B3GALNT2: variants seen among roughly 807,000 people sequenced by gnomAD.
The protein encoded by B3GALNT2 is beta-1,3-N-acetylgalactosaminyltransferase 2, also known as UDP-GalNAc:beta-1,3-N-acetylgalactosaminyltransferase 2.
In B3GALNT2, 53 loss-of-function variants were observed where a neutral mutation model predicts 61.1. The ratio of observed to expected loss-of-function variants is 0.87; its 90% CI spans 0.70 to 1.09. B3GALNT2 has a LOEUF of 1.09. B3GALNT2 is among the 50% of genes least tolerant of loss of function. The pLI is 0.00. For synonymous variants in B3GALNT2, 223 were observed against 237.4 expected, an observed-to-expected ratio of 0.94 and a Z score of 0.56; for missense variants, 544 against 623.0, an observed-to-expected ratio of 0.87 and a Z score of 1.35.
At chr1:235,491,297 G>C (rs1024625132) in intron 2 of B3GALNT2, among the ~76,000 whole-genome samples, 13 of 152,182 alleles carry the variant, frequency 8.5e-5, no homozygotes, top group African/African-American at 2.2e-4. Flanking sequence ...ATAGATAGGA[G>C]AGTCTGACAA....
intron 2 of B3GALNT2, among the ~76,000 whole-genome samples, chr1:235,489,675 AG>A (rs749551322): frequency 6.6e-6 from 1 of 152,152 alleles, no homozygotes; most frequent in Non-Finnish European, 1.5e-5. Context: ...TCCATCCAAG[AG>A]GAAATCCCCT....
intron 5 of B3GALNT2, among the ~76,000 whole-genome samples, chr1:235,475,380 A>G (rs745899721): frequency 6.6e-6 from 1 of 152,128 alleles, no homozygotes; most frequent in Non-Finnish European, 1.5e-5. Context: ...TTTATGCTTC[A>G]GTGAGCTACA....
At chr1:235,445,656 A>G (rs1682208228), downstream of B3GALNT2, among the ~76,000 whole-genome samples, 1 of 152,094 alleles carries the variant, frequency 6.6e-6, no homozygotes, top group African/African-American at 2.4e-5. Flanking sequence ...AAAACAAAAC[A>G]AAACTGCAAT....
intron 1 of B3GALNT2, among the ~76,000 whole-genome samples, chr1:235,503,355 C>T (rs971862296): frequency 1.3e-5 from 2 of 152,200 alleles, no homozygotes; most frequent in Non-Finnish European, 2.9e-5. Flanking sequence ...GGTGGTGGAA[C>T]CCACTAACAA....
At chr1:235,496,987 T>C (rs1396619705) in intron 1 of B3GALNT2, among the ~76,000 whole-genome samples, 1 of 152,248 alleles carries the variant, frequency 6.6e-6, no homozygotes, top group Non-Finnish European at 1.5e-5. Context: ...CAGCTTAATA[T>C]AGCTTATCTG....
At chr1:235,501,077 T>C (rs1449534181) in intron 1 of B3GALNT2, among the ~76,000 whole-genome samples, 2 of 152,236 alleles carry the variant, frequency 1.3e-5, no homozygotes, top group East Asian at 1.9e-4. Context: ...TTTTGGTTTC[T>C]TTCTTTCCAG....
At chr1:235,480,537 CAA>C (rs1572531658) in intron 4 of B3GALNT2, among the ~76,000 whole-genome samples, 2 of 151,990 alleles carry the variant, frequency 1.3e-5, no homozygotes, top group African/African-American at 4.8e-5. Flanking sequence ...TTACTGGGAA[CAA>C]AAGCACTCAG....
chr1:235,440,636 C>T, the B3GALNT2 span, among the ~76,000 whole-genome samples: 1,163 of 152,176 alleles, frequency 7.6e-3, 8 homozygotes, highest in Middle Eastern at 0.02. Flanking sequence ...TCAGGTGATT[C>T]GCCCGCCTCA....
Position 235,504,279 on chromosome 1 carries a change from C to G in B3GALNT2, c.-27G>C, listed in dbSNP as rs1685735775. 2.6e-5 allele frequency: 39 copies of G among 1,484,324 alleles called. No individual in the cohort carries two copies. The highest frequency in any genetic ancestry group is 3.2e-5 in the Non-Finnish European group (36 of 1,122,786). The allele number at this position is 1,484,324 out of a possible 1,614,324, so 91.9% of individuals were successfully genotyped here. A position where few individuals can be genotyped will look rare whatever the true frequency, so the allele number is the denominator to read the frequency against. The stretch of plus-strand genomic sequence containing the variant: ...GGCCGCCCCCGCCGCGAGCCGGGCT[C>G]TCCCGCGTCCCGGCGGAGAGGGAGG... On this transcript the variant is annotated 5_prime_UTR_variant, in exon 1 of 12. Transcript: ENST00000366600.
chr1:235,501,101 C>G (rs754233329), intron 1 of B3GALNT2, among the ~76,000 whole-genome samples: 2 of 152,134 alleles, frequency 1.3e-5, no homozygotes, highest in Non-Finnish European at 2.9e-5. Context: ...CCCTAGAAAG[C>G]GAAGCCTTCT....
Position 235,448,555 on chromosome 1 carries a change from GTTTGAT to G in B3GALNT2, c.*1645_*1650del. ...CTAAATGGAGACCATGGGTCTGTTT[GTTTGAT>G]TTTAAGGGTAAGCTACTGCCTGGGG... On this transcript the variant is annotated 3_prime_UTR_variant, in exon 12 of 12. Coordinates refer to ENST00000366600, the MANE Select transcript of B3GALNT2 (RefSeq NM_152490.5). 1.4e-6 allele frequency: 2 copies of G among 1,395,370 alleles called. No homozygotes were observed. Among genetic ancestry groups the G allele is most frequent in the South Asian group, 2.3e-5 (2 of 86,486 alleles). 86.4% of individuals were successfully genotyped at this position (1,395,370 alleles called of 1,614,324 possible).
chr1:235,477,289 T>C (rs1012889860), intron 5 of B3GALNT2, among the ~76,000 whole-genome samples: 13 of 152,170 alleles, frequency 8.5e-5, no homozygotes, highest in African/African-American at 2.9e-4. Flanking sequence ...TTTGCCTTTT[T>C]GCTCTCTCTC....
At chr1:235,463,736 T>C (rs1683547184) in intron 7 of B3GALNT2, 1 of 151,986 alleles carries the variant, frequency 6.6e-6, no homozygotes, top group African/African-American at 2.4e-5. Context: ...CTGGCTAATT[T>C]TTTTGTATTT....
At chr1:235,481,691 A>C (rs1438460477) in intron 4 of B3GALNT2, among the ~76,000 whole-genome samples, 1 of 152,142 alleles carries the variant, frequency 6.6e-6, no homozygotes, top group Non-Finnish European at 1.5e-5. Context: ...CAAGTGTATC[A>C]AAAAAATTCA....
intron 5 of B3GALNT2, among the ~76,000 whole-genome samples, chr1:235,473,708 CA>C (rs1684112392): frequency 6.6e-6 from 1 of 152,106 alleles, no homozygotes; most frequent in Non-Finnish European, 1.5e-5. Flanking sequence ...TAAAATAAAA[CA>C]GAAGGCTAGG....
intron 6 of B3GALNT2, among the ~76,000 whole-genome samples, chr1:235,470,478 G>C (rs1174217495): frequency 6.7e-6 from 1 of 150,340 alleles, no homozygotes; most frequent in Non-Finnish European, 1.5e-5. Context: ...TGTAGCCCCA[G>C]CTACATGGGA....
chr1:235,475,302 A>C (rs925324494), intron 5 of B3GALNT2, among the ~76,000 whole-genome samples: 2 of 151,772 alleles, frequency 1.3e-5, no homozygotes, highest in African/African-American at 4.8e-5. Context: ...CAGCCAAAAC[A>C]TAAATATTTT....
At chr1:235,504,000 A>G in intron 1 of B3GALNT2, 141 bp downstream of exon 1, 1 of 956,714 alleles carries the variant, frequency 1.0e-6, no homozygotes, top group East Asian at 3.9e-5. Flanking sequence ...CCAAGGATGA[A>G]AAGAGCCGTT....
In B3GALNT2 at chr1:235,448,706, A is replaced by AAGTC. The variant is rs761424380; in HGVS notation, c.*1496_*1499dup. 2 of 1,614,058 alleles carry AAGTC rather than the reference A, an allele frequency of 1.2e-6. No individual in the cohort carries two copies. The highest frequency in any genetic ancestry group is 4.5e-5 in the East Asian group (2 of 44,884). Reference sequence around the variant, plus strand: ...AGAAATCGAGCTGGAAAATGACCTAAAGTCATTACAGTTTTATTCTGTGGA... The same window carrying AAGTC: ...AGAAATCGAGCTGGAAAATGACCTAAAGTCAGTCATTACAGTTTTATTCTGTGGA... On this transcript the variant is annotated 3_prime_UTR_variant, in exon 12 of 12. Coordinates refer to ENST00000366600, the MANE Select transcript of B3GALNT2 (RefSeq NM_152490.5).
Sources: allele counts gnomAD v4.1 joint callset (sites outside exome capture counted in the v4.1 genomes callset), GRCh38; gene constraint gnomAD v4.1.1; transcripts MANE v1.5; gene names NCBI Gene and HGNC (gene_info 2026-07-23, HGNC 2026-07-21).